DCAF8L2: variants seen among roughly 807,000 people sequenced by gnomAD.
The protein encoded by DCAF8L2 is DDB1- and CUL4-associated factor 8-like protein 2.
For synonymous variants in DCAF8L2, 200 were observed against 190.9 expected, an observed-to-expected ratio of 1.05 and a Z score of -0.39; for missense variants, 430 against 490.7, an observed-to-expected ratio of 0.88 and a Z score of 1.17.
chrX:27,641,979 C>T (rs866154379), intron 2 of DCAF8L2, among the ~76,000 whole-genome samples: 97 of 109,524 alleles, frequency 8.9e-4, no homozygotes, highest in African/African-American at 3.0e-3. Context: ...AGCTCTGCCT[C>T]CCGGATTCAC....
At chrX:27,649,219 C>T (rs1929057978) in intron 2 of DCAF8L2, among the ~76,000 whole-genome samples, 1 of 111,666 alleles carries the variant, frequency 9.0e-6, no homozygotes, top group Non-Finnish European at 1.9e-5. Context: ...GTGTTGGGCA[C>T]CTAAGTTGAT....
chrX:27,616,318 A>G (rs1439071882), intron 1 of DCAF8L2, among the ~76,000 whole-genome samples: 1 of 110,644 alleles, frequency 9.0e-6, no homozygotes, highest in Non-Finnish European at 1.9e-5. Context: ...TAGAAAGTAC[A>G]TTAAGTTTTT....
chrX:27,519,431 A>G, the DCAF8L2 span: 1 of 1,132,998 alleles, frequency 8.8e-7, no homozygotes, highest in Admixed American at 2.2e-5. Flanking sequence ...TTCACTGCCA[A>G]GATTGCACTT....
At chrX:27,619,031 CTATCTATCTATCTATCTTA>C (rs917268112) in intron 1 of DCAF8L2, among the ~76,000 whole-genome samples, 2 of 109,250 alleles carry the variant, frequency 1.8e-5, no homozygotes, top group African/African-American at 6.7e-5. Flanking sequence ...ATCTATCTAT[CTATCTATCTATCTATCTTA>C]TATCTATCTA....
intron 2 of DCAF8L2, among the ~76,000 whole-genome samples, chrX:27,646,253 A>G (rs778085395): frequency 3.6e-5 from 4 of 111,481 alleles, no homozygotes; most frequent in South Asian, 3.8e-4. Context: ...ATCCAGAAAT[A>G]AGCCCACACA....
At chrX:27,744,334 T>C (rs1922048423) in intron 4 of DCAF8L2, among the ~76,000 whole-genome samples, 1 of 111,552 alleles carries the variant, frequency 9.0e-6, no homozygotes, top group Non-Finnish European at 1.9e-5. Context: ...TGTTACCTGC[T>C]CTCCCTGTTA....
chrX:27,488,247 G>T, the DCAF8L2 span, among the ~76,000 whole-genome samples: 1 of 110,515 alleles, frequency 9.0e-6, no homozygotes, highest in East Asian at 2.9e-4. Flanking sequence ...CCTAAAAAAT[G>T]GTATTGAAAA....
chrX:27,503,217 A>G, the DCAF8L2 span, among the ~76,000 whole-genome samples: 1 of 111,196 alleles, frequency 9.0e-6, no homozygotes, highest in African/African-American at 3.3e-5. Context: ...AGTCAGAAAT[A>G]TGATTTTCCC....
chrX:27,730,712 A>T (rs1921143273), intron 4 of DCAF8L2, among the ~76,000 whole-genome samples: 1 of 73,564 alleles, frequency 1.4e-5, no homozygotes. Context: ...ACAGCCACAT[A>T]TTTTATTTTT....
At chrX:27,587,985 A>ATAT (rs1555915915), upstream of DCAF8L2, among the ~76,000 whole-genome samples, 109 of 22,332 alleles carry the variant, frequency 4.9e-3, no homozygotes, top group Non-Finnish European at 5.2e-3. Flanking sequence ...TAAAAAAAAA[A>ATAT]ATATATATAT....
chrX:27,488,261 C>T, the DCAF8L2 span, among the ~76,000 whole-genome samples: 1 of 110,115 alleles, frequency 9.1e-6, no homozygotes, highest in African/African-American at 3.3e-5. Flanking sequence ...TTGAAAATTC[C>T]TTCATATTCT....
chrX:27,522,271 C>T, the DCAF8L2 span, among the ~76,000 whole-genome samples: 1 of 112,039 alleles, frequency 8.9e-6, no homozygotes, highest in Non-Finnish European at 1.9e-5. Flanking sequence ...AGGTGATCCG[C>T]CTGCCTCGGC....
chrX:27,586,791 C>T (rs1363784266), upstream of DCAF8L2, among the ~76,000 whole-genome samples: 3 of 110,496 alleles, frequency 2.7e-5, no homozygotes, highest in African/African-American at 9.9e-5. Context: ...TTTTAGCAAC[C>T]AGGAATAGAA....
the DCAF8L2 span, among the ~76,000 whole-genome samples, chrX:27,509,252 T>G: frequency 7.2e-5 from 8 of 111,547 alleles, no homozygotes; most frequent in Admixed American, 7.7e-4. Context: ...AGCTGAGATT[T>G]CAACATCATG....
chrX:27,487,343 A>G, the DCAF8L2 span, among the ~76,000 whole-genome samples: 1 of 111,959 alleles, frequency 8.9e-6, no homozygotes, highest in Admixed American at 9.5e-5. Context: ...ATGCAGTGGC[A>G]TGATCTCGGC....
chrX:27,503,319 A>AT, the DCAF8L2 span, among the ~76,000 whole-genome samples: 1 of 110,859 alleles, frequency 9.0e-6, no homozygotes, highest in Non-Finnish European at 1.9e-5. Context: ...CAATTTATCC[A>AT]TTTTTTTGCT....
At chrX:27,682,382 T>C (rs1158452072) in intron 3 of DCAF8L2, among the ~76,000 whole-genome samples, 1 of 112,017 alleles carries the variant, frequency 8.9e-6, no homozygotes, top group Non-Finnish European at 1.9e-5. Flanking sequence ...GAATTTCTTA[T>C]GAAATTAGGG....
chrX:27,702,932 T>C (rs1228212284), intron 3 of DCAF8L2, among the ~76,000 whole-genome samples: 1 of 111,353 alleles, frequency 9.0e-6, no homozygotes, highest in Non-Finnish European at 1.9e-5. Flanking sequence ...TGACCTGACC[T>C]TGTGTACAGG....
At chrX:27,654,301 A>G in intron 2 of DCAF8L2, among the ~76,000 whole-genome samples, 1 of 112,163 alleles carries the variant, frequency 8.9e-6, no homozygotes, top group Non-Finnish European at 1.9e-5. Flanking sequence ...TTAAAAAACA[A>G]AAAACAGCAG....
Sources: allele counts gnomAD v4.1 joint callset (sites outside exome capture counted in the v4.1 genomes callset), GRCh38; gene constraint gnomAD v4.1.1; transcripts MANE v1.5; gene names NCBI Gene and HGNC (gene_info 2026-07-23, HGNC 2026-07-21).